KDM3B: variants seen among roughly 807,000 people sequenced by gnomAD.
The protein encoded by KDM3B is lysine demethylase 3B, also known as lysine-specific demethylase 3B.
A neutral mutation model predicts 170.0 loss-of-function variants in KDM3B; 10 were observed. The observed-to-expected ratio is 0.06, with a 90% CI of 0.04 to 0.10. The LOEUF is 0.10. Ranked by LOEUF, KDM3B falls within the 10% of genes least tolerant of loss-of-function variation. The pLI is 1.00. For synonymous variants in KDM3B, 831 were observed against 834.8 expected (o/e 1.00, Z 0.08); for missense variants, 1,394 against 2,195.2 (o/e 0.64, Z 7.29).
rs1474678828 is a variant in KDM3B, at chr5:138,391,328, T to C, written c.1696T>C (p.Ser566Pro). Residue 566 changes from serine (S) to proline (P), a missense_variant, in exon 8 of 24, where the codon TCA (serine) becomes CCA (proline). Coordinates refer to ENST00000314358, the MANE Select transcript of KDM3B (RefSeq NM_016604.4). The surrounding 1 kb of genome is among the most constrained non-coding windows in gnomAD (Gnocchi z 5.0). ...CAAACAAAGCCTTGAGAGCCTGAGCTCAGGCCTGTGTAAAGGCAGATCCGT... is the reference window on the plus strand; with the variant it reads ...CAAACAAAGCCTTGAGAGCCTGAGCCCAGGCCTGTGTAAAGGCAGATCCGT... ...SFKQSLESLS[S>P]GLCKGRSVLG... 6.2e-7 allele frequency: 1 copy of C among 1,614,178 alleles called. No individual in the cohort carries two copies. Among genetic ancestry groups the C allele is most frequent in the South Asian group, 1.1e-5 (1 of 91,080 alleles).
Position 138,352,884 on chromosome 5 carries a change from C to G in KDM3B, c.89C>G (p.Ala30Gly). Reference sequence around the variant, plus strand: ...GCCTCAGCCTCGGCCTCGGCTCCCGCGGCGGCAGCGGCGAGCGGAGATCCG... The same window carrying G: ...GCCTCAGCCTCGGCCTCGGCTCCCGGGGCGGCAGCGGCGAGCGGAGATCCG... The part of the protein sequence containing the change: ...TAASASASAP[A>G]AAAASGDPGP... The change falls in exon 1 of 24, where the codon GCG (alanine) becomes GGG (glycine). Residue 30 changes from alanine to glycine, a missense_variant. Transcript: ENST00000314358. 4 of 1,375,248 alleles carry G rather than the reference C, an allele frequency of 2.9e-6. No homozygotes were observed. Among genetic ancestry groups the G allele is most frequent in the Non-Finnish European group, 3.8e-6 (4 of 1,061,656 alleles). The allele number at this position is 1,375,248 out of a possible 1,614,324, so 85.2% of individuals were successfully genotyped here.
At chr5:138,356,636 CTTTTTT>C (rs539401228) in intron 1 of KDM3B, among the ~76,000 whole-genome samples, 58 of 86,008 alleles carry the variant, frequency 6.7e-4, no homozygotes, top group East Asian at 1.0e-3. Flanking sequence ...TGTCTCTTGA[CTTTTTT>C]TTTTTTTTTT....
At chr5:138,394,987 G>T (rs1027686470) in intron 9 of KDM3B, among the ~76,000 whole-genome samples, 2 of 152,142 alleles carry the variant, frequency 1.3e-5, no homozygotes, top group African/African-American at 4.8e-5. Context: ...ACTTAAGGAT[G>T]ATTCTATGTC....
intron 4 of KDM3B, among the ~76,000 whole-genome samples, chr5:138,378,812 T>G (rs1302223291): frequency 6.7e-6 from 1 of 148,702 alleles, no homozygotes; most frequent in Non-Finnish European, 1.5e-5. Context: ...GATATATATA[T>G]ATAGATATAT....
chr5:138,422,861 T>G (rs1763307147), intron 15 of KDM3B, among the ~76,000 whole-genome samples: 1 of 152,216 alleles, frequency 6.6e-6, no homozygotes, highest in African/African-American at 2.4e-5. Flanking sequence ...TTCTTGGGTT[T>G]TATGACTAAT....
chr5:138,376,875 A>G (rs949263262), intron 3 of KDM3B, among the ~76,000 whole-genome samples: 3 of 152,100 alleles, frequency 2.0e-5, no homozygotes, highest in Admixed American at 6.6e-5. Flanking sequence ...AATAGTTAAA[A>G]CAAACCAGCG....
chr5:138,432,413 T>G (rs2127009463), intron 23 of KDM3B, among the ~76,000 whole-genome samples: 1 of 142,200 alleles, frequency 7.0e-6, no homozygotes, highest in Non-Finnish European at 1.6e-5. Flanking sequence ...GTACTTTAGT[T>G]GCATAAAAAG....
chr5:138,372,746 G>C lies in KDM3B; in HGVS notation c.265G>C (p.Val89Leu). The C allele has an allele frequency of 6.2e-7, 1 of 1,614,060 alleles. No homozygotes were observed. The highest frequency in any genetic ancestry group is 1.3e-5 in the African/African-American group (1 of 75,012). ...WVKVHAEEVIVLLLEGSLVWA... is the reference protein window; with the variant it reads ...WVKVHAEEVILLLLEGSLVWA... Reference sequence around the variant, plus strand: ...AAAAGTTCATGCTGAGGAAGTTATCGTGCTTCTGCTGGAAGGGTCTCTTGT... The same window carrying C: ...AAAAGTTCATGCTGAGGAAGTTATCCTGCTTCTGCTGGAAGGGTCTCTTGT... Residue 89 changes from valine (V) to leucine (L), a missense_variant, in exon 2 of 24, where the codon GTG becomes CTG. Transcript: ENST00000314358.
At chr5:138,357,095 C>T (rs1378795139) in intron 1 of KDM3B, among the ~76,000 whole-genome samples, 1 of 151,630 alleles carries the variant, frequency 6.6e-6, no homozygotes, top group Admixed American at 6.6e-5. Context: ...TTACAGCTCA[C>T]TGCTGGGCTC....
rs1762799034 is a variant in KDM3B at position 138,405,613 on chromosome 5, G to T, written c.3199+5601G>T. ...CCACACGATAATAAAGTTAAAGGTA[G>T]TTATTCAGGCAGAAGAAAATGAAAT... On this transcript the variant is annotated intron_variant, in intron 11 of 23. Transcript: ENST00000314358. 2.0e-5 allele frequency among the ~76,000 whole-genome samples: 3 copies of T among 152,138 alleles called. No individual in the cohort carries two copies. In the South Asian group the frequency reaches 6.2e-4, roughly 31 times the overall value.
At position 138,436,999 on chromosome 5, in the gene KDM3B, A is replaced by G. The variant is rs925268217; in HGVS notation, c.*1299A>G. 3.3e-5 allele frequency: 5 copies of G among 150,676 alleles called. No individual in the cohort carries two copies. The highest frequency in any genetic ancestry group is 7.4e-5 in the Non-Finnish European group (5 of 67,782). 9.3% of individuals were successfully genotyped at this position (150,676 alleles called of 1,614,324 possible). ...TGTTGAAGGGCTGATTGGGATTTCC[A>G]TGTTCTTATTAAAAATCTAACAAAT... On this transcript the variant is annotated 3_prime_UTR_variant, in exon 24 of 24. Coordinates refer to ENST00000314358, the MANE Select transcript of KDM3B (RefSeq NM_016604.4).
chr5:138,430,276 C>T lies in KDM3B; in HGVS notation c.4921C>T (p.Pro1641Ser), dbSNP rs1369703636. 2.5e-6 allele frequency: 4 copies of T among 1,614,084 alleles called. No homozygotes were observed. Among genetic ancestry groups the T allele is most frequent in the Non-Finnish European group, 3.4e-6 (4 of 1,179,998 alleles). Residue 1641 changes from proline to serine, a missense_variant, in exon 22 of 24, where the codon CCC (proline) becomes TCC (serine). Physicochemically the swap from Pro to Ser is moderately conservative, Grantham distance 74. Around this residue, in one of 19 missense-constraint regions of KDM3B, gnomAD observed 79 missense variants for 270.5 expected, o/e 0.29. Coordinates refer to ENST00000314358, the MANE Select transcript of KDM3B (RefSeq NM_016604.4). ...KVGEEQGQEN[P>S]PDHDPIHDQS... The stretch of plus-strand genomic sequence containing the variant: ...TGGAGAAGAACAAGGCCAAGAGAAC[C>T]CCCCTGATCATGACCCAATTCATGA...
In KDM3B at chr5:138,427,258, C is replaced by T. The variant is rs777188240; in HGVS notation, c.4572C>T (p.Ala1524=). The part of the protein sequence containing the change: ...YTKRDGRLNL[A]SRLPSYFVRP... ...AACGAGATGGCAGGCTCAATCTGGCCTCTAGGCTACCTAGCTACTTTGTAA... is the reference window on the plus strand; with the variant it reads ...AACGAGATGGCAGGCTCAATCTGGCTTCTAGGCTACCTAGCTACTTTGTAA... Residue 1524 remains alanine, a synonymous_variant, in exon 19 of 24, where the codon GCC becomes GCT. Coordinates refer to ENST00000314358, the MANE Select transcript of KDM3B (RefSeq NM_016604.4). The T allele has an allele frequency of 2.5e-6, 4 of 1,614,092 alleles. No homozygotes were observed. The East Asian group carries it at 8.9e-5, about 36-fold the overall frequency.
chr5:138,413,656 CAG>C (rs1440286620), intron 11 of KDM3B, among the ~76,000 whole-genome samples: 2 of 152,112 alleles, frequency 1.3e-5, no homozygotes, highest in South Asian at 2.1e-4. Flanking sequence ...GTTTTTGAGA[CAG>C]GGTCTCTTTC....
rs771399047 is a variant in KDM3B, at chr5:138,427,021, G to A, written c.4458G>A (p.Lys1486=). 4.8e-5 allele frequency: 77 copies of A among 1,614,080 alleles called. No homozygotes were observed. Among genetic ancestry groups the A allele is most frequent in the Non-Finnish European group, 6.3e-5 (74 of 1,180,034 alleles). Residue 1486 remains lysine, a synonymous_variant, in exon 18 of 24, where the codon AAG becomes AAA. Coordinates refer to ENST00000314358, the MANE Select transcript of KDM3B (RefSeq NM_016604.4). ...EDGQPMVLKL[K]DWPPGEDFRD... ...GGCAGCCAATGGTGCTCAAACTCAA[G>A]GACTGGCCTCCTGGGGAAGATTTTC... is the stretch of plus-strand genomic sequence containing the variant.
chr5:138,427,319 G>A lies in KDM3B; in HGVS notation c.4633G>A (p.Gly1545Arg). ...GGGCCCCAAGATGTACAACGCCTATGGTATGAGGGAGAGGCTAAAATTGCT... is the reference window on the plus strand; with the variant it reads ...GGGCCCCAAGATGTACAACGCCTATAGTATGAGGGAGAGGCTAAAATTGCT... Reference protein sequence around the residue: ...DLGPKMYNAYGLITAEDRRVG... With the variant: ...DLGPKMYNAYRLITAEDRRVG... Residue 1545 changes from glycine to arginine, a missense_variant and splice_region_variant, in exon 19 of 24, where the codon GGG (glycine) becomes AGG (arginine). Coordinates refer to ENST00000314358, the MANE Select transcript of KDM3B (RefSeq NM_016604.4). The A allele has an allele frequency of 6.2e-7, 1 of 1,605,098 alleles. No homozygotes were observed.
At chr5:138,417,273 G>C (rs113396681) in intron 12 of KDM3B, among the ~76,000 whole-genome samples, 2,248 of 152,306 alleles carry the variant, frequency 0.015, 21 homozygotes, top group Admixed American at 0.026. Flanking sequence ...TAAAGTCTTA[G>C]TGCTCCCGTT....
At chr5:138,416,472 C>A (rs928204027) in intron 12 of KDM3B, among the ~76,000 whole-genome samples, 2 of 151,756 alleles carry the variant, frequency 1.3e-5, no homozygotes, top group African/African-American at 4.8e-5. Flanking sequence ...GCCTGTAATC[C>A]CAACTACTAG....
chr5:138,419,526 G>A (rs1763199259), intron 14 of KDM3B, among the ~76,000 whole-genome samples: 1 of 150,846 alleles, frequency 6.6e-6, no homozygotes, highest in Non-Finnish European at 1.5e-5. Flanking sequence ...GAGGTGGCGG[G>A]TGCCTGTAGT....
Sources: allele counts gnomAD v4.1 joint callset (sites outside exome capture counted in the v4.1 genomes callset), GRCh38; gene constraint gnomAD v4.1.1; regional missense constraint gnomAD v4.1.1; non-coding constraint Gnocchi (gnomAD v3.1); transcripts MANE v1.5; gene names NCBI Gene and HGNC (gene_info 2026-07-23, HGNC 2026-07-21).